The following UNC93A variants were observed in gnomAD, a reference collection of about 807,000 sequenced individuals.
UNC93A encodes the protein N-acetylglucosamine transporter UNC93A.
Under a neutral mutation model 47.5 loss-of-function variants are expected in UNC93A, and 43 were observed. The ratio of observed to expected loss-of-function variants is 0.91; its 90% CI spans 0.71 to 1.17. The LOEUF is 1.17. Among genes scored for constraint, UNC93A ranks in the 50% most tolerant of loss-of-function variants. The pLI, the probability that UNC93A is intolerant of heterozygous loss-of-function variation, is 0.00. For missense variants in UNC93A, 605 were observed against 577.6 expected, an observed-to-expected ratio of 1.05 and a Z score of -0.49; for synonymous variants, 280 against 258.0, an observed-to-expected ratio of 1.09 and a Z score of -0.82.
intron 3 of UNC93A, 99 bp from the exon 4 acceptor site, chr6:167,297,846 T>A (rs1168357206): frequency 1.5e-5 from 22 of 1,474,384 alleles, no homozygotes; most frequent in Non-Finnish European, 1.7e-5. Context: ...TCCCCCCAGG[T>A]GTCCAATGTC....
chr6:167,305,907 C>T lies in UNC93A; in HGVS notation c.841-8C>T. The T allele has an allele frequency of 1.2e-6, 2 of 1,614,170 alleles. No homozygotes were observed. The highest frequency in any genetic ancestry group is 1.7e-6 in the Non-Finnish European group (2 of 1,180,024). On this transcript the variant is annotated splice_region_variant and splice_polypyrimidine_tract_variant and intron_variant, in intron 5 of 7. Coordinates refer to ENST00000230256, the MANE Select transcript of UNC93A (RefSeq NM_018974.4). Reference sequence around the variant, plus strand: ...GTCCATGACGTGGCTCTGCACCCCTCTCCCCAGTCCTATGTCACCTGCACC... The same window carrying T: ...GTCCATGACGTGGCTCTGCACCCCTTTCCCCAGTCCTATGTCACCTGCACC...
chr6:167,297,755 C>G (rs1555032), intron 3 of UNC93A, among the ~76,000 whole-genome samples, 190 bp from the exon 4 acceptor site: 69 of 152,088 alleles, frequency 4.5e-4, no homozygotes, highest in African/African-American at 1.6e-3. Flanking sequence ...TGTCTTAAAT[C>G]GAGTCTAGGG....
upstream of UNC93A, among the ~76,000 whole-genome samples, chr6:167,291,089 C>T (rs1316099597): frequency 6.6e-6 from 1 of 152,162 alleles, no homozygotes; most frequent in Non-Finnish European, 1.5e-5. Flanking sequence ...GACAGTTTCT[C>T]TTACTGTGGA....
upstream of UNC93A, among the ~76,000 whole-genome samples, chr6:167,270,713 C>T (rs1244900018): frequency 5.3e-5 from 8 of 152,030 alleles, no homozygotes; most frequent in South Asian, 6.2e-4. Context: ...GAGGGGAGCA[C>T]GGGGAGAAGG....
chr6:167,288,623 T>C (rs1474293126), upstream of UNC93A, among the ~76,000 whole-genome samples: 1 of 152,230 alleles, frequency 6.6e-6, no homozygotes. Context: ...TTGGTATTGC[T>C]TTTATTAACA....
upstream of UNC93A, among the ~76,000 whole-genome samples, chr6:167,290,803 T>C (rs1315050016): frequency 6.6e-6 from 1 of 152,228 alleles, no homozygotes; most frequent in Non-Finnish European, 1.5e-5. Context: ...AGATTTCTAA[T>C]GATCATTAGC....
intron 1 of UNC93A, among the ~76,000 whole-genome samples, chr6:167,276,234 A>C (rs1413835894): frequency 6.6e-6 from 1 of 151,938 alleles, no homozygotes; most frequent in East Asian, 1.9e-4. Context: ...TATATACTGC[A>C]TTCTTCATCC....
intron 1 of UNC93A, among the ~76,000 whole-genome samples, chr6:167,292,724 G>A (rs573626110): frequency 6.6e-6 from 1 of 152,324 alleles, no homozygotes; most frequent in Admixed American, 6.5e-5. Context: ...GCTGGTGTGA[G>A]TGAAATGCCT....
intron 1 of UNC93A, among the ~76,000 whole-genome samples, chr6:167,273,919 G>C (rs6906244): frequency 0.16 from 24,508 of 152,092 alleles, 2,194 homozygotes; most frequent in South Asian, 0.29. Context: ...AGCAGGCTTA[G>C]AGAGAATCGA....
chr6:167,294,226 G>A (rs1777984120), intron 1 of UNC93A, among the ~76,000 whole-genome samples: 1 of 152,190 alleles, frequency 6.6e-6, no homozygotes, highest in Admixed American at 6.5e-5. Context: ...ATTCAGGCAG[G>A]TGTCCACAGA....
At chr6:167,301,679 C>G (rs1345694526) in intron 4 of UNC93A, among the ~76,000 whole-genome samples, 2 of 152,186 alleles carry the variant, frequency 1.3e-5, no homozygotes, top group African/African-American at 2.4e-5. Flanking sequence ...CTGCCTCTCC[C>G]CTTCCCACAA....
intron 1 of UNC93A, among the ~76,000 whole-genome samples, chr6:167,283,726 T>C (rs759338810): frequency 1.4e-4 from 22 of 152,158 alleles, no homozygotes; most frequent in Non-Finnish European, 2.9e-4. Context: ...TCACAGTTGG[T>C]CTGATGAATA....
chr6:167,294,723 A>T (rs1322173517), intron 2 of UNC93A, 25 bp downstream of exon 2: 1 of 1,318,652 alleles, frequency 7.6e-7, no homozygotes, highest in African/African-American at 1.7e-5. Context: ...CCCCCTGCCC[A>T]CCCCACCCCG....
upstream of UNC93A, among the ~76,000 whole-genome samples, chr6:167,287,196 C>T (rs889504094): frequency 2.0e-5 from 3 of 152,052 alleles, no homozygotes; most frequent in East Asian, 1.9e-4. Context: ...CTCCACTGCT[C>T]GCTGCACTCA....
At chr6:167,290,978 C>T (rs760154058), upstream of UNC93A, among the ~76,000 whole-genome samples, 40 of 152,152 alleles carry the variant, frequency 2.6e-4, no homozygotes, top group Admixed American at 4.6e-4. Context: ...CTTACAATCA[C>T]GTTAGCTCTT....
At chr6:167,285,948 CTCTCTCTCTCTCTATA>C (rs1374544758) in intron 1 of UNC93A, among the ~76,000 whole-genome samples, 2 of 139,390 alleles carry the variant, frequency 1.4e-5, no homozygotes, top group Non-Finnish European at 3.2e-5. Context: ...TTCTCTCTCT[CTCTCTCTCTCTCTATA>C]TATATATATA....
chr6:167,272,546 C>A (rs1328289073), intron 1 of UNC93A, among the ~76,000 whole-genome samples: 1 of 152,148 alleles, frequency 6.6e-6, no homozygotes, highest in Non-Finnish European at 1.5e-5. Flanking sequence ...TGGTGGGGAG[C>A]AGCTTGGATT....
rs764938594 is a variant in UNC93A, at chr6:167,298,037, C to A, written c.592C>A (p.Gln198Lys). ...TTNSTQRPSQ[Q>K]LVYTLLGIYT... Reference sequence around the variant, plus strand: ...CAACAGCACCCAGAGGCCCTCCCAGCAGCTGGTCTACACCCTCCTGGGCAT... The same window carrying A: ...CAACAGCACCCAGAGGCCCTCCCAGAAGCTGGTCTACACCCTCCTGGGCAT... Residue 198 changes from glutamine to lysine, a missense_variant, in exon 4 of 8, where the codon CAG becomes AAG. Physicochemically the swap from Gln to Lys is moderately conservative, Grantham distance 53. Coordinates refer to ENST00000230256, the MANE Select transcript of UNC93A (RefSeq NM_018974.4). The A allele has an allele frequency of 6.2e-7, 1 of 1,613,460 alleles. No homozygotes were observed. The highest frequency in any genetic ancestry group is 1.1e-5 in the South Asian group (1 of 90,978).
chr6:167,303,964 C>T lies in UNC93A; in HGVS notation c.671C>T (p.Pro224Leu), dbSNP rs774762627. 8 of 1,613,372 alleles carry T rather than the reference C, an allele frequency of 5.0e-6. No individual in the cohort carries two copies. The Admixed American group carries it at 1.2e-4, about 24-fold the overall frequency. Residue 224 changes from proline (P) to leucine (L), a missense_variant, in exon 5 of 8, where the codon CCC becomes CTC. Physicochemically the swap from Pro to Leu is moderately conservative, Grantham distance 98 (BLOSUM62 -3). Transcript: ENST00000230256. ...CTGATGATAGCTGCGTTCCTCCAAC[C>T]CATACGAGATGTTCAGCGGGAAAGT... is the stretch of plus-strand genomic sequence containing the variant. ...AVLMIAAFLQ[P>L]IRDVQRESEG...
Sources: allele counts gnomAD v4.1 joint callset (sites outside exome capture counted in the v4.1 genomes callset), GRCh38; gene constraint gnomAD v4.1.1; transcripts MANE v1.5; gene names NCBI Gene and HGNC (gene_info 2026-07-23, HGNC 2026-07-21).